WASF1: variants seen among roughly 807,000 people sequenced by gnomAD.
The protein encoded by WASF1 is actin-binding protein WASF1.
A neutral mutation model predicts 50.5 loss-of-function variants in WASF1; 7 were observed. The observed-to-expected ratio is 0.14, with a 90% CI of 0.08 to 0.26. The LOEUF is 0.26. WASF1 is among the 10% of genes least tolerant of loss of function. WASF1 has a pLI of 1.00. For missense variants in WASF1, 470 were observed against 694.7 expected (o/e 0.68, Z 3.64); for synonymous variants, 205 against 244.0 (o/e 0.84, Z 1.49).
intron 7 of WASF1, 147 bp from the exon 8 acceptor site, chr6:110,105,726 T>C: frequency 1.2e-6 from 1 of 801,832 alleles, no homozygotes; most frequent in Non-Finnish European, 1.9e-6. Flanking sequence ...AATGGTTTAC[T>C]TGTACATTCA....
At chr6:110,112,331 A>G (rs1478320982) in intron 5 of WASF1, among the ~76,000 whole-genome samples, 1 of 152,120 alleles carries the variant, frequency 6.6e-6, no homozygotes, top group East Asian at 1.9e-4. Flanking sequence ...TTATGTTCTT[A>G]GTATTGCATT....
At chr6:110,152,128 G>A (rs558618883) in intron 3 of WASF1, among the ~76,000 whole-genome samples, 2 of 152,052 alleles carry the variant, frequency 1.3e-5, no homozygotes, top group Admixed American at 1.3e-4. Flanking sequence ...CTTAAAATTG[G>A]GAGATTATAT....
intron 2 of WASF1, among the ~76,000 whole-genome samples, chr6:110,170,586 AG>A (rs1438438141): frequency 1.3e-5 from 2 of 152,172 alleles, no homozygotes; most frequent in Non-Finnish European, 2.9e-5. Context: ...CAAATACAGT[AG>A]ATTTTAATAC....
chr6:110,112,834 A>C (rs1022715552), intron 5 of WASF1, among the ~76,000 whole-genome samples: 1 of 144,396 alleles, frequency 6.9e-6, no homozygotes, highest in East Asian at 2.2e-4. Context: ...TGGGAGGTGG[A>C]GGTTGCAGTG....
intron 2 of WASF1, among the ~76,000 whole-genome samples, chr6:110,178,262 T>A (rs949790688): frequency 6.6e-6 from 1 of 152,146 alleles, no homozygotes; most frequent in African/African-American, 2.4e-5. Context: ...TATCAAATAC[T>A]TCATTCAAAT....
At chr6:110,121,855 TA>T (rs1273942946) in intron 4 of WASF1, among the ~76,000 whole-genome samples, 3 of 152,026 alleles carry the variant, frequency 2.0e-5, no homozygotes, top group African/African-American at 7.2e-5. Flanking sequence ...TATGTAGCCA[TA>T]AAAAAGGATG....
chr6:110,170,680 A>G (rs1233766424), intron 2 of WASF1, among the ~76,000 whole-genome samples: 1 of 151,798 alleles, frequency 6.6e-6, no homozygotes, highest in Non-Finnish European at 1.5e-5. Flanking sequence ...TAAAAAAAAA[A>G]GACCTAACTA....
chr6:110,159,434 T>A (rs1012478729), intron 3 of WASF1, among the ~76,000 whole-genome samples: 3 of 151,844 alleles, frequency 2.0e-5, no homozygotes, highest in African/African-American at 7.2e-5. Context: ...AAAAGGAACA[T>A]TATCACTGAA....
At chr6:110,154,207 A>G (rs146472875) in intron 3 of WASF1, among the ~76,000 whole-genome samples, 16 of 152,212 alleles carry the variant, frequency 1.1e-4, no homozygotes, top group African/African-American at 3.6e-4. Flanking sequence ...ATAATTCTCA[A>G]TGTTTTTATT....
chr6:110,163,970 T>G (rs1208735891), intron 2 of WASF1, among the ~76,000 whole-genome samples: 1 of 151,660 alleles, frequency 6.6e-6, no homozygotes, highest in East Asian at 1.9e-4. Context: ...AAAGATAGTC[T>G]TTTCAACAAA....
At chr6:110,127,736 G>T in intron 3 of WASF1, 107 bp from the exon 4 acceptor site, 1 of 1,046,064 alleles carries the variant, frequency 9.6e-7, no homozygotes, top group Non-Finnish European at 1.3e-6. Context: ...GAACAACATG[G>T]ATTTGAACTG....
At chr6:110,173,347 C>G (rs1056729878) in intron 2 of WASF1, among the ~76,000 whole-genome samples, 1 of 152,122 alleles carries the variant, frequency 6.6e-6, no homozygotes, top group African/African-American at 2.4e-5. Flanking sequence ...TTGCTGTCAT[C>G]ATCATCCAAC....
chr6:110,139,621 A>T (rs1255336147), intron 3 of WASF1, among the ~76,000 whole-genome samples: 1 of 151,760 alleles, frequency 6.6e-6, no homozygotes, highest in African/African-American at 2.4e-5. Flanking sequence ...TTCTTCCTCC[A>T]GTCTTATATT....
chr6:110,168,191 T>C (rs1776555387), intron 2 of WASF1, among the ~76,000 whole-genome samples: 2 of 152,054 alleles, frequency 1.3e-5, no homozygotes, highest in Admixed American at 1.3e-4. Context: ...TTAATTAAAA[T>C]TGTTGAGGAA....
chr6:110,177,586 C>G (rs1051513755), intron 2 of WASF1, among the ~76,000 whole-genome samples: 37 of 152,084 alleles, frequency 2.4e-4, no homozygotes, highest in African/African-American at 8.2e-4. Flanking sequence ...ACACTACCTA[C>G]TAAATATTAT....
chr6:110,161,578 C>T (rs890693928), intron 2 of WASF1, among the ~76,000 whole-genome samples: 21 of 151,554 alleles, frequency 1.4e-4, no homozygotes, highest in Non-Finnish European at 1.9e-4. Flanking sequence ...CCTCATTTAT[C>T]GCACTGTATT....
At chr6:110,123,533 A>G (rs970542601) in intron 4 of WASF1, among the ~76,000 whole-genome samples, 3 of 152,202 alleles carry the variant, frequency 2.0e-5, no homozygotes, top group African/African-American at 7.2e-5. Context: ...ATTCACTGTG[A>G]GACCTTGGTA....
At chr6:110,113,678 G>C (rs571495630) in intron 4 of WASF1, among the ~76,000 whole-genome samples, 1 of 152,236 alleles carries the variant, frequency 6.6e-6, no homozygotes, top group Non-Finnish European at 1.5e-5. Context: ...AACTGTAATA[G>C]TCCACTTACA....
intron 3 of WASF1, among the ~76,000 whole-genome samples, chr6:110,135,293 T>C (rs775284000): frequency 1.3e-5 from 2 of 151,628 alleles, no homozygotes; most frequent in Non-Finnish European, 3.0e-5. Flanking sequence ...TTTCTAGGTA[T>C]ATGATCATTT....
Sources: allele counts gnomAD v4.1 joint callset (sites outside exome capture counted in the v4.1 genomes callset), GRCh38; gene constraint gnomAD v4.1.1; transcripts MANE v1.5; gene names NCBI Gene and HGNC (gene_info 2026-07-23, HGNC 2026-07-21).